Variants in GOLGA2 observed in about 807,000 individuals in gnomAD.
GOLGA2 encodes the protein golgin subfamily A member 2.
Under a neutral mutation model 148.8 loss-of-function variants are expected in GOLGA2, and 49 were observed. The ratio of observed to expected loss-of-function variants is 0.33; its 90% confidence interval spans 0.26 to 0.42. The LOEUF is 0.42. Ranked by LOEUF, GOLGA2 falls within the 10% of genes least tolerant of loss-of-function variation. The pLI, the probability that GOLGA2 is intolerant of heterozygous loss-of-function variation, is 1.00. For synonymous variants in GOLGA2, 501 were observed against 511.8 expected (o/e 0.98, Z 0.28); for missense variants, 1,178 against 1,304.6 (o/e 0.90, Z 1.49).
At position 128,268,412 on chromosome 9, in the gene GOLGA2, GCA is replaced by G. The variant is rs770669600; in HGVS notation, c.393+6_393+7del. 5.3e-6 allele frequency: 8 copies of G among 1,497,164 alleles called. No homozygotes were observed. In the Admixed American group the frequency reaches 1.2e-4, roughly 22 times the overall value. The allele number at this position is 1,497,164 out of a possible 1,614,324, so 92.7% of individuals were successfully genotyped here. Reference sequence around the variant, plus strand: ...AGGGCAGTGGGCAGAGGGGGAGGAGGCACGAACCTGAGATGCCGCCATGCTAG... The same window carrying G: ...AGGGCAGTGGGCAGAGGGGGAGGAGGCGAACCTGAGATGCCGCCATGCTAG... On this transcript the variant is annotated splice_donor_region_variant and intron_variant, in intron 4 of 26. Coordinates refer to ENST00000611957, the MANE Select transcript of GOLGA2 (RefSeq NM_001366244.2).
intron 1 of GOLGA2, among the ~76,000 whole-genome samples, chr9:128,274,256 A>G (rs1203079937): frequency 6.6e-6 from 1 of 151,992 alleles, no homozygotes; most frequent in Non-Finnish European, 1.5e-5. Flanking sequence ...GTACTTTTCC[A>G]CCTCTCATCC....
At position 128,260,917 on chromosome 9, in the gene GOLGA2, C is replaced by T; in HGVS notation, c.1421-115G>A. On this transcript the variant is annotated intron_variant, in intron 17 of 26. Coordinates refer to ENST00000611957, the MANE Select transcript of GOLGA2 (RefSeq NM_001366244.2). The surrounding 1 kb of genome is among the most constrained non-coding windows in gnomAD (Gnocchi z 4.8). ...GCCTCCCTGCTGATGATTCCTCGCACCCGGATGTTAGCCAATCTTCCAAAC... is the reference window on the plus strand; with the variant it reads ...GCCTCCCTGCTGATGATTCCTCGCATCCGGATGTTAGCCAATCTTCCAAAC... The T allele has an allele frequency of 1.3e-6, 1 of 755,436 alleles. No homozygotes were observed. The highest frequency in any genetic ancestry group is 2.1e-6 in the Non-Finnish European group (1 of 466,792). 46.8% of individuals were successfully genotyped at this position (755,436 alleles called of 1,614,324 possible). A position where few individuals can be genotyped will look rare whatever the true frequency, so the allele number is the denominator to read the frequency against.
In GOLGA2 at chr9:128,260,558, C is replaced by T. The variant is rs775850583; in HGVS notation, c.1665G>A (p.Met555Ile). 1.2e-6 allele frequency: 2 copies of T among 1,612,862 alleles called. No individual in the cohort carries two copies. Among genetic ancestry groups the T allele is most frequent in the Non-Finnish European group, 1.7e-6 (2 of 1,180,012 alleles). Residue 555 changes from methionine (M) to isoleucine (I), a missense_variant, in exon 18 of 27, where the codon ATG becomes ATA. Physicochemically the swap from Met to Ile is conservative, Grantham distance 10 (BLOSUM62 1). This residue lies in a region of GOLGA2 where 529 missense variants were observed against 521.8 expected (regional missense o/e 1.01). Transcript: ENST00000611957. This position sits in a 1 kb window ranked among gnomAD's most constrained non-coding sequence, Gnocchi z 4.8. Reference protein sequence around the residue: ...AEARRQILETMQNDRTTISRA... With the variant: ...AEARRQILETIQNDRTTISRA... ...GGCTGATGGTAGTGCGGTCGTTCTG[C>T]ATGGTCTCCAGGATTTGCCTGCGCG...
chr9:128,257,366 C>CA lies in GOLGA2; in HGVS notation c.2875+2dup. The CA allele has an allele frequency of 6.2e-7, 1 of 1,613,118 alleles. No homozygotes were observed. The stretch of plus-strand genomic sequence containing the variant: ...GCCCACCCCTCCCGAGGGCTCTACT[C>CA]ACCACCCTGCTGGTTGGCAGCCCCA... On this transcript the variant is annotated splice_region_variant and intron_variant, in intron 26 of 26. Coordinates refer to ENST00000611957, the MANE Select transcript of GOLGA2 (RefSeq NM_001366244.2). This position sits in a 1 kb window ranked among gnomAD's most constrained non-coding sequence, Gnocchi z 8.0.
chr9:128,257,621 G>C lies in GOLGA2; in HGVS notation c.2698C>G (p.Gln900Glu). 3 of 1,614,044 alleles carry C rather than the reference G, an allele frequency of 1.9e-6. No homozygotes were observed. The highest frequency in any genetic ancestry group is 2.5e-6 in the Non-Finnish European group (3 of 1,179,992). Residue 900 changes from glutamine (Q) to glutamate (E), a missense_variant, in exon 25 of 27, where the codon CAA (glutamine) becomes GAA (glutamate). Around this residue, in one of 5 missense-constraint regions of GOLGA2, gnomAD observed 38 missense variants for 67.3 expected, o/e 0.56. Coordinates refer to ENST00000611957, the MANE Select transcript of GOLGA2 (RefSeq NM_001366244.2). This position sits in a 1 kb window ranked among gnomAD's most constrained non-coding sequence, Gnocchi z 8.0. ...EKEEYISRLA[Q>E]DKEEMKVKLL... Reference sequence around the variant, plus strand: ...CCTACCTTCATCTCCTCCTTGTCTTGGGCCAGCCTGCTGATGTACTCCTCC... The same window carrying C: ...CCTACCTTCATCTCCTCCTTGTCTTCGGCCAGCCTGCTGATGTACTCCTCC...
At chr9:128,262,470 C>G (rs1830331599) in intron 14 of GOLGA2, 93 bp downstream of exon 14, 2 of 1,274,484 alleles carry the variant, frequency 1.6e-6, no homozygotes. Context: ...TTTTCCAGCT[C>G]TTGGCTGGAG....
Position 128,260,205 on chromosome 9 carries a change from C to T in GOLGA2, c.1759-16G>A, listed in dbSNP as rs989962292. The T allele has an allele frequency of 1.3e-6, 2 of 1,564,894 alleles. No homozygotes were observed. Among genetic ancestry groups the T allele is most frequent in the Admixed American group, 3.3e-5 (2 of 59,974 alleles). On this transcript the variant is annotated splice_polypyrimidine_tract_variant and intron_variant, in intron 18 of 26. Coordinates refer to ENST00000611957, the MANE Select transcript of GOLGA2 (RefSeq NM_001366244.2). The surrounding 1 kb of genome is among the most constrained non-coding windows in gnomAD (Gnocchi z 4.8). Reference sequence around the variant, plus strand: ...TCTCATTAGTCTGGACAGAGAGAAGCAATCAGCGGCCACCCACTGCAGCTG... The same window carrying T: ...TCTCATTAGTCTGGACAGAGAGAAGTAATCAGCGGCCACCCACTGCAGCTG...
In GOLGA2 at chr9:128,259,251, G is replaced by C. The variant is rs1341062358; in HGVS notation, c.2013C>G (p.Thr671=). The stretch of plus-strand genomic sequence containing the variant: ...GCTGCTGCAGCTGGTCCACGAGCTG[G>C]GTCTGCAGCAGTAGCTGATTATGCA... The part of the protein sequence containing the change: ...EVLHNQLLLQ[T]QLVDQLQQQE... Residue 671 remains threonine, a synonymous_variant, in exon 20 of 27, where the codon ACC becomes ACG. Coordinates refer to ENST00000611957, the MANE Select transcript of GOLGA2 (RefSeq NM_001366244.2). 4 of 1,605,112 alleles carry C rather than the reference G, an allele frequency of 2.5e-6. No homozygotes were observed. The highest frequency in any genetic ancestry group is 2.2e-5 in the South Asian group (2 of 89,584).
Position 128,257,528 on chromosome 9 carries a change from G to A in GOLGA2, c.2719-3C>T, listed in dbSNP as rs1465732705. On this transcript the variant is annotated splice_region_variant and splice_polypyrimidine_tract_variant and intron_variant, in intron 25 of 26. Transcript: ENST00000611957. This position sits in a 1 kb window ranked among gnomAD's most constrained non-coding sequence, Gnocchi z 8.0. ...TCCTGCAGCTCCAGCAGCTTCACCT[G>A]GAGGGAGGGGTGCTAAGCTGCCATG... The A allele has an allele frequency of 6.2e-7, 1 of 1,614,064 alleles. No individual in the cohort carries two copies. Among genetic ancestry groups the A allele is most frequent in the Non-Finnish European group, 8.5e-7 (1 of 1,180,008 alleles).
In GOLGA2 at chr9:128,275,766, G is replaced by A. The variant is rs1171854395; in HGVS notation, c.84+127C>T. 2.1e-5 allele frequency: 13 copies of A among 605,376 alleles called. No homozygotes were observed. In the East Asian group the frequency reaches 4.0e-4, roughly 19 times the overall value. The allele number at this position is 605,376 out of a possible 1,614,324, so 37.5% of individuals were successfully genotyped here. A position where few individuals can be genotyped will look rare whatever the true frequency, so the allele number is the denominator to read the frequency against. On this transcript the variant is annotated intron_variant, in intron 1 of 26. Transcript: ENST00000611957. ...GCTGGCTGACAAGACTTTGGTGGAG[G>A]GAGCCCGGACGCGCCGTGGGGAGCC...
intron 12 of GOLGA2, among the ~76,000 whole-genome samples, chr9:128,263,793 T>C (rs1032789804): frequency 7.9e-5 from 12 of 151,692 alleles, no homozygotes; most frequent in Non-Finnish European, 8.8e-5. Flanking sequence ...CCTCAAGTGA[T>C]CCGCCCGCCT....
intron 1 of GOLGA2, 49 bp from the exon 2 acceptor site, chr9:128,274,021 A>T: frequency 6.3e-7 from 1 of 1,576,234 alleles, no homozygotes; most frequent in Non-Finnish European, 8.7e-7. Context: ...AAGCCCCCAC[A>T]GTTACATCCT....
rs1443542334 is a variant in GOLGA2 at position 128,260,002 on chromosome 9, C to T, written c.1872+74G>A. 3.9e-6 allele frequency: 4 copies of T among 1,032,172 alleles called. No homozygotes were observed. The highest frequency in any genetic ancestry group is 6.0e-6 in the Non-Finnish European group (4 of 663,144). 63.9% of individuals were successfully genotyped at this position (1,032,172 alleles called of 1,614,324 possible). A position where few individuals can be genotyped will look rare whatever the true frequency, so the allele number is the denominator to read the frequency against. On this transcript the variant is annotated intron_variant, in intron 19 of 26. Transcript: ENST00000611957. The surrounding 1 kb of genome is among the most constrained non-coding windows in gnomAD (Gnocchi z 4.8). ...TCACCTGTGCCCCAGGCTGGAGCTG[C>T]CTCTGGCCTCACACCACCCCTCCCC...
Position 128,260,328 on chromosome 9 carries a change from G to A in GOLGA2, c.1758+137C>T, listed in dbSNP as rs1424531825. ...TCATCCCCTCTCCCCCACAGCCATC[G>A]GAGCAGGGCTCTGGCTCACAGATGC... On this transcript the variant is annotated intron_variant, in intron 18 of 26. Transcript: ENST00000611957. The surrounding 1 kb of genome is among the most constrained non-coding windows in gnomAD (Gnocchi z 4.8). 12 of 1,077,486 alleles carry A rather than the reference G, an allele frequency of 1.1e-5. No individual in the cohort carries two copies. The East Asian group carries it at 1.7e-4, about 15-fold the overall frequency. The allele number at this position is 1,077,486 out of a possible 1,614,324, so 66.7% of individuals were successfully genotyped here. A position where few individuals can be genotyped will look rare whatever the true frequency, so the allele number is the denominator to read the frequency against.
chr9:128,258,082 G>T lies in GOLGA2; in HGVS notation c.2406C>A (p.Ala802=). 1 of 1,610,808 alleles carries T rather than the reference G, an allele frequency of 6.2e-7. No individual in the cohort carries two copies. The highest frequency in any genetic ancestry group is 1.1e-5 in the South Asian group (1 of 91,040). The part of the protein sequence containing the change: ...CRRLAHLLAS[A]QKEPEAAAPA... ...GGGCTGCTGCCTCAGGCTCCTTCTGGGCCGAGGCCAGCAGGTGAGCCAGGC... is the reference window on the plus strand; with the variant it reads ...GGGCTGCTGCCTCAGGCTCCTTCTGTGCCGAGGCCAGCAGGTGAGCCAGGC... Residue 802 remains alanine, a synonymous_variant, in exon 23 of 27, where the codon GCC becomes GCA. Coordinates refer to ENST00000611957, the MANE Select transcript of GOLGA2 (RefSeq NM_001366244.2). This position sits in a 1 kb window ranked among gnomAD's most constrained non-coding sequence, Gnocchi z 6.6.
rs745605906 is a variant in GOLGA2, at chr9:128,260,137, T to C, written c.1811A>G (p.Lys604Arg). The change falls in exon 19 of 27, where the codon AAG becomes AGG. Residue 604 changes from lysine (K) to arginine (R), a missense_variant. Physicochemically the swap from Lys to Arg is conservative, Grantham distance 26. Coordinates refer to ENST00000611957, the MANE Select transcript of GOLGA2 (RefSeq NM_001366244.2). This position sits in a 1 kb window ranked among gnomAD's most constrained non-coding sequence, Gnocchi z 4.8. ...GCCCAGCTTCTTTCCCAGCTCCCTC[T>C]TGACGTGCTGCTCCGACTGCAGTGC... The part of the protein sequence containing the change: ...TSALQSEQHV[K>R]RELGKKLGEL... 1.9e-6 allele frequency: 3 copies of C among 1,611,150 alleles called. No homozygotes were observed. Among genetic ancestry groups the C allele is most frequent in the Admixed American group, 1.7e-5 (1 of 60,032 alleles).
At position 128,260,778 on chromosome 9, in the gene GOLGA2, G is replaced by C; in HGVS notation, c.1445C>G (p.Pro482Arg). The change falls in exon 18 of 27, where the codon CCA becomes CGA. Residue 482 changes from proline (P) to arginine (R), a missense_variant. Pro to Arg is a moderately radical substitution (Grantham distance 103). Around this residue, in one of 5 missense-constraint regions of GOLGA2, gnomAD observed 529 missense variants for 521.8 expected, o/e 1.01. Transcript: ENST00000611957. The surrounding 1 kb of genome is among the most constrained non-coding windows in gnomAD (Gnocchi z 4.8). The stretch of plus-strand genomic sequence containing the variant: ...CTGCTCCACCTCGGAGGGCCCTGCT[G>C]GGGGCTCTGGGGGCGGGGGTTCAGC... Reference protein sequence around the residue: ...QMAEPPPPEPPAGPSEVEQQL... With the variant: ...QMAEPPPPEPRAGPSEVEQQL... 1.9e-6 allele frequency: 3 copies of C among 1,608,396 alleles called. No individual in the cohort carries two copies. Among genetic ancestry groups the C allele is most frequent in the Non-Finnish European group, 2.5e-6 (3 of 1,177,660 alleles).
chr9:128,260,725 G>T lies in GOLGA2; in HGVS notation c.1498C>A (p.Arg500=). 6.2e-7 allele frequency: 1 copy of T among 1,613,240 alleles called. No homozygotes were observed. Among genetic ancestry groups the T allele is most frequent in the Non-Finnish European group, 8.5e-7 (1 of 1,179,850 alleles). The change falls in exon 18 of 27, where the codon CGG becomes AGG. Residue 500 remains arginine (R), a synonymous_variant. Coordinates refer to ENST00000611957, the MANE Select transcript of GOLGA2 (RefSeq NM_001366244.2). The surrounding 1 kb of genome is among the most constrained non-coding windows in gnomAD (Gnocchi z 4.8). ...CCTGCCAGACCCTCCAGCTCCTTCCGCAGGTGCTCAGCCTCCGCTTGTAGC... is the reference window on the plus strand; with the variant it reads ...CCTGCCAGACCCTCCAGCTCCTTCCTCAGGTGCTCAGCCTCCGCTTGTAGC... ...QQLQAEAEHL[R]KELEGLAGQL...
rs74686374 is a variant in GOLGA2, at chr9:128,260,497, G to C, written c.1726C>G (p.Leu576Val). The C allele has an allele frequency of 3.5e-3, 5,586 of 1,612,534 alleles. 32 individuals are homozygous for C. Among genetic ancestry groups the C allele is most frequent in the Non-Finnish European group, 2.8e-3 (3,266 of 1,179,180 alleles). ...ACAAATCCGCTCTGCAGCTCAGCCA[G>C]CTGCTCCTTGAGCTCCCGGTTCTGG... ...LSQNRELKEQLAELQSGFVKL... is the reference protein window; with the variant it reads ...LSQNRELKEQVAELQSGFVKL... Residue 576 changes from leucine (L) to valine (V), a missense_variant, in exon 18 of 27, where the codon CTG becomes GTG. Physicochemically the swap from Leu to Val is conservative, Grantham distance 32 (BLOSUM62 1). Transcript: ENST00000611957. This position sits in a 1 kb window ranked among gnomAD's most constrained non-coding sequence, Gnocchi z 4.8.
Sources: allele counts gnomAD v4.1 joint callset (sites outside exome capture counted in the v4.1 genomes callset), GRCh38; gene constraint gnomAD v4.1.1; regional missense constraint gnomAD v4.1.1; non-coding constraint Gnocchi (gnomAD v3.1); transcripts MANE v1.5; gene names NCBI Gene and HGNC (gene_info 2026-07-23, HGNC 2026-07-21).